Variants in SHROOM3 observed in about 807,000 individuals in gnomAD.
SHROOM3 encodes the protein protein Shroom3.
Under a neutral mutation model 138.6 loss-of-function variants are expected in SHROOM3, and 47 were observed. The observed-to-expected ratio is 0.34, with a 90% CI of 0.27 to 0.43. The LOEUF (loss-of-function observed/expected upper bound fraction) is 0.43. Among genes scored for constraint, SHROOM3 ranks in the 20% least tolerant of loss-of-function variants. The probability of loss-of-function intolerance (pLI) is 1.00; values close to 1 mark genes in which losing one functional copy is unlikely to be tolerated. For missense variants in SHROOM3, 2,491 were observed against 2,596.5 expected, an observed-to-expected ratio of 0.96 and a Z score of 0.88; for synonymous variants, 1,062 against 1,063.3, an observed-to-expected ratio of 1.00 and a Z score of 0.02.
rs964526237 is a variant in SHROOM3 at position 76,664,888 on chromosome 4, T to G, written c.324-45268T>G. Among the ~76,000 whole-genome samples the G allele has an allele frequency of 2.0e-5, 3 of 152,108 alleles. No individual in the cohort carries two copies. The highest frequency in any genetic ancestry group is 1.3e-4 in the Admixed American group (2 of 15,256). On this transcript the variant is annotated intron_variant, in intron 2 of 10. Coordinates refer to ENST00000296043, the MANE Select transcript of SHROOM3 (RefSeq NM_020859.4). The surrounding 1 kb of genome is among the most constrained non-coding windows in gnomAD (Gnocchi z 4.2). ...CCAGGTGGTCGAGCACGGTGGCTTT[T>G]GCCTGTAATCCTAGCACTTTGGTAG...
chr4:76,502,838 T>TA (rs1732127911), intron 1 of SHROOM3, among the ~76,000 whole-genome samples: 1 of 152,230 alleles, frequency 6.6e-6, no homozygotes, highest in Admixed American at 6.5e-5. Context: ...AGAGTCCTGA[T>TA]ACGTTTTTTC....
intron 1 of SHROOM3, among the ~76,000 whole-genome samples, chr4:76,498,950 A>AT (rs1382010772): frequency 6.6e-6 from 1 of 152,114 alleles, no homozygotes; most frequent in South Asian, 2.1e-4. Context: ...GAACAGCTGT[A>AT]TTTTTCTAAC....
intron 10 of SHROOM3, among the ~76,000 whole-genome samples, chr4:76,777,805 T>C (rs1327369863): frequency 6.6e-6 from 1 of 152,216 alleles, no homozygotes; most frequent in African/African-American, 2.4e-5. Context: ...AATGATCATG[T>C]TGGAGAGAAA....
At chr4:76,633,474 G>C (rs962716023) in intron 2 of SHROOM3, among the ~76,000 whole-genome samples, 1 of 151,786 alleles carries the variant, frequency 6.6e-6, no homozygotes, top group Non-Finnish European at 1.5e-5. Flanking sequence ...GACTAACACG[G>C]TGAAAGCCCG....
intron 2 of SHROOM3, among the ~76,000 whole-genome samples, chr4:76,631,191 CT>C (rs1172923298): frequency 1.6e-5 from 2 of 123,448 alleles, no homozygotes; most frequent in South Asian, 2.9e-4. Context: ...AGACAGGTGA[CT>C]TTTTTTTAAT....
At chr4:76,745,616 GAA>G (rs1001912975) in intron 5 of SHROOM3, among the ~76,000 whole-genome samples, 4 of 152,218 alleles carry the variant, frequency 2.6e-5, no homozygotes, top group Non-Finnish European at 5.9e-5. Flanking sequence ...CACAAAATGT[GAA>G]GATACAAATA....
At chr4:76,507,002 C>G (rs1352781104) in intron 1 of SHROOM3, among the ~76,000 whole-genome samples, 2 of 152,062 alleles carry the variant, frequency 1.3e-5, no homozygotes, top group African/African-American at 2.4e-5. Context: ...AAGGTGAATA[C>G]TAAAAAACGG....
chr4:76,570,382 A>G (rs1733810608), intron 2 of SHROOM3, among the ~76,000 whole-genome samples: 1 of 151,950 alleles, frequency 6.6e-6, no homozygotes, highest in Admixed American at 6.6e-5. Context: ...GTCTGTGGGA[A>G]CTCCTGAGAA....
chr4:76,672,023 A>G (rs1718898028), intron 2 of SHROOM3, among the ~76,000 whole-genome samples: 2 of 152,126 alleles, frequency 1.3e-5, no homozygotes. Flanking sequence ...CTCAACATAT[A>G]TTGACTTTTG....
chr4:76,763,544 GAC>G (rs1430372558), intron 9 of SHROOM3, among the ~76,000 whole-genome samples: 4 of 152,046 alleles, frequency 2.6e-5, no homozygotes. Flanking sequence ...CAGCCTGAGT[GAC>G]AGAGTGAGAC....
In SHROOM3 at chr4:76,693,366, G is replaced by GTTTTTTTTTTTTT. The variant is rs1429298697; in HGVS notation, c.324-16787_324-16786insTTTTTTTTTTTTT. Among the ~76,000 whole-genome samples the GTTTTTTTTTTTTT allele has an allele frequency of 3.4e-3, 202 of 60,058 alleles. 16 individuals carry two copies. The highest frequency in any genetic ancestry group is 0.013 in the African/African-American group (187 of 14,050). The allele number at this position is 60,058 out of a possible 152,430, so 39.4% of individuals were successfully genotyped here. A position where few individuals can be genotyped will look rare whatever the true frequency, so the allele number is the denominator to read the frequency against. On this transcript the variant is annotated intron_variant, in intron 2 of 10. Coordinates refer to ENST00000296043, the MANE Select transcript of SHROOM3 (RefSeq NM_020859.4). ...ACTATGCATACCTTCATTTTGATAA[G>GTTTTTTTTTTTTT]TTTGTTTTTTTTTTTTTTTTTTTTT... is the stretch of plus-strand genomic sequence containing the variant.
intron 2 of SHROOM3, among the ~76,000 whole-genome samples, chr4:76,564,994 TACTAA>T (rs1252603176): frequency 6.6e-6 from 1 of 151,806 alleles, no homozygotes; most frequent in African/African-American, 2.4e-5. Flanking sequence ...ACCCCATCTC[TACTAA>T]AGATACAAAA....
chr4:76,712,748 C>T (rs1454307904), intron 3 of SHROOM3, among the ~76,000 whole-genome samples: 1 of 152,144 alleles, frequency 6.6e-6, no homozygotes, highest in Non-Finnish European at 1.5e-5. Context: ...AATACAGTCA[C>T]GTATTGCTTA....
At chr4:76,626,965 G>A (rs1313741382) in intron 2 of SHROOM3, among the ~76,000 whole-genome samples, 1 of 152,160 alleles carries the variant, frequency 6.6e-6, no homozygotes, top group African/African-American at 2.4e-5. Context: ...CCCACAGACA[G>A]CATTGACAGA....
At chr4:76,448,491 T>C (rs1282668617) in intron 1 of SHROOM3, among the ~76,000 whole-genome samples, 1 of 152,194 alleles carries the variant, frequency 6.6e-6, no homozygotes, top group African/African-American at 2.4e-5. Flanking sequence ...CAACCCTCCA[T>C]GACCAACTGG....
At chr4:76,650,769 T>C (rs916212346) in intron 2 of SHROOM3, among the ~76,000 whole-genome samples, 7 of 152,090 alleles carry the variant, frequency 4.6e-5, no homozygotes, top group African/African-American at 1.7e-4. Flanking sequence ...GATCTTGAAC[T>C]CCTGACCTCG....
intron 2 of SHROOM3, among the ~76,000 whole-genome samples, chr4:76,604,978 TG>T (rs1257834115): frequency 2.0e-5 from 3 of 152,318 alleles, no homozygotes; most frequent in Admixed American, 1.3e-4. Flanking sequence ...TTCCCTGGAT[TG>T]AATTCCTCAA....
intron 2 of SHROOM3, among the ~76,000 whole-genome samples, chr4:76,598,711 A>G (rs933659208): frequency 6.6e-6 from 1 of 152,188 alleles, no homozygotes; most frequent in Non-Finnish European, 1.5e-5. Context: ...CCACGTGGGC[A>G]GGGGGTAGCC....
chr4:76,608,819 T>C (rs1734704110), intron 2 of SHROOM3, among the ~76,000 whole-genome samples: 2 of 152,158 alleles, frequency 1.3e-5, no homozygotes, highest in Admixed American at 6.5e-5. Flanking sequence ...AGCAAGTTAC[T>C]TCATCTCTTT....
Sources: gnomAD v4.1 joint callset for allele counts (sites outside exome capture counted in the v4.1 genomes callset) on GRCh38, gnomAD v4.1.1 for gene constraint, Gnocchi (gnomAD v3.1) non-coding constraint, MANE v1.5 for transcripts, NCBI Gene and HGNC (gene_info 2026-07-23, HGNC 2026-07-21) for gene names.